The following MYO18B variants were observed in gnomAD, a reference collection of about 807,000 sequenced individuals.
The protein encoded by MYO18B is unconventional myosin-XVIIIb.
A neutral mutation model predicts 273.0 loss-of-function variants in MYO18B; 204 were observed. That is an observed-to-expected ratio of 0.75 (90% CI 0.67 to 0.84). The LOEUF is 0.84. Ranked by LOEUF, MYO18B falls within the 40% of genes least tolerant of loss-of-function variation. The probability of loss-of-function intolerance (pLI) is 0.00; values close to 1 mark genes in which losing one functional copy is unlikely to be tolerated. For missense variants in MYO18B, 3,212 were observed against 3,287.6 expected, an observed-to-expected ratio of 0.98 and a Z score of 0.56; for synonymous variants, 1,330 against 1,305.7, an observed-to-expected ratio of 1.02 and a Z score of -0.40.
chr22:25,975,108 G>C (rs183329899), intron 39 of MYO18B, among the ~76,000 whole-genome samples: 1 of 152,160 alleles, frequency 6.6e-6, no homozygotes, highest in African/African-American at 2.4e-5. Flanking sequence ...TGATGGACCT[G>C]GCAAGAGTCA....
intron 7 of MYO18B, among the ~76,000 whole-genome samples, chr22:25,776,310 T>C (rs1330115891): frequency 6.6e-6 from 1 of 152,328 alleles, no homozygotes; most frequent in Middle Eastern, 3.4e-3. Flanking sequence ...ACTAAAACGT[T>C]TTCTGGGACA....
chr22:25,777,853 C>A, intron 8 of MYO18B, 72 bp downstream of exon 8: 1 of 1,405,270 alleles, frequency 7.1e-7, no homozygotes, highest in Non-Finnish European at 9.6e-7. Flanking sequence ...TGCTGAGCTG[C>A]TTTCTTATAT....
downstream of MYO18B, among the ~76,000 whole-genome samples, chr22:26,032,341 T>C (rs1393571418): frequency 2.6e-5 from 4 of 152,112 alleles, no homozygotes; most frequent in African/African-American, 9.7e-5. Context: ...GGGGTGGTTT[T>C]TCCTAAGGCC....
intron 21 of MYO18B, among the ~76,000 whole-genome samples, chr22:25,856,017 G>A (rs1210140603): frequency 6.6e-6 from 1 of 152,100 alleles, no homozygotes; most frequent in Non-Finnish European, 1.5e-5. Context: ...GTAGGCCCTG[G>A]TGAGACCCTG....
chr22:26,049,914 T>C, the MYO18B span, among the ~76,000 whole-genome samples: 5 of 152,234 alleles, frequency 3.3e-5, no homozygotes, highest in African/African-American at 1.2e-4. Flanking sequence ...AATAGCATAC[T>C]TTCTTTTGCA....
chr22:25,979,950 A>G (rs980262089), intron 39 of MYO18B, among the ~76,000 whole-genome samples: 4 of 152,116 alleles, frequency 2.6e-5, no homozygotes, highest in Admixed American at 1.3e-4. Flanking sequence ...TCACCATTGA[A>G]GCTCCAGTCC....
At chr22:25,750,516 C>A (rs2085902273) in intron 1 of MYO18B, among the ~76,000 whole-genome samples, 1 of 152,170 alleles carries the variant, frequency 6.6e-6, no homozygotes, top group Non-Finnish European at 1.5e-5. Context: ...AGGTGTCAGG[C>A]AGTCAGATCA....
intron 39 of MYO18B, among the ~76,000 whole-genome samples, chr22:25,959,507 C>T (rs2092894342): frequency 6.6e-6 from 1 of 152,094 alleles, no homozygotes; most frequent in African/African-American, 2.4e-5. Context: ...GACTGCTGGC[C>T]TCAAGCCATC....
At chr22:25,850,858 G>A (rs2090405501) in intron 20 of MYO18B, among the ~76,000 whole-genome samples, 1 of 152,038 alleles carries the variant, frequency 6.6e-6, no homozygotes, top group Non-Finnish European at 1.5e-5. Context: ...AAGTTATTTT[G>A]GAAAACCCTA....
intron 7 of MYO18B, among the ~76,000 whole-genome samples, chr22:25,773,218 G>A (rs182548915): frequency 6.6e-6 from 1 of 152,286 alleles, no homozygotes; most frequent in African/African-American, 2.4e-5. Context: ...ATTGATTGAG[G>A]GTCTCCTACC....
In MYO18B at chr22:25,798,038, G is replaced by A. The variant is rs772893371; in HGVS notation, c.2462G>A (p.Arg821Gln). The A allele has an allele frequency of 2.0e-5, 33 of 1,612,880 alleles. No homozygotes were observed. The highest frequency in any genetic ancestry group is 5.5e-5 in the South Asian group (5 of 91,066). ...EMLGISESEQ[R>Q]AVWRVLAAIY... ...CTCGGCATCTCAGAGAGCGAGCAGC[G>A]GGCTGTTTGGCGGGTCCTGGCAGCC... The change falls in exon 12 of 44, where the codon CGG becomes CAG. Residue 821 changes from arginine to glutamine, a missense_variant. Arg to Gln is a conservative substitution (Grantham distance 43). Transcript: ENST00000335473.
At chr22:25,975,757 G>C (rs2093082448) in intron 39 of MYO18B, among the ~76,000 whole-genome samples, 1 of 152,170 alleles carries the variant, frequency 6.6e-6, no homozygotes, top group Non-Finnish European at 1.5e-5. Flanking sequence ...GCAGATCGGG[G>C]GCAGGGCCTG....
At chr22:26,010,336 G>C (rs1275312158) in intron 42 of MYO18B, among the ~76,000 whole-genome samples, 1 of 152,140 alleles carries the variant, frequency 6.6e-6, no homozygotes, top group Admixed American at 6.5e-5. Flanking sequence ...GCTCCTCATT[G>C]CCTACAGCAG....
chr22:25,902,095 C>G (rs5761304), intron 29 of MYO18B, among the ~76,000 whole-genome samples: 69,174 of 151,958 alleles, frequency 0.46, 16,054 homozygotes, highest in Middle Eastern at 0.53. Context: ...TCCTCGGCCT[C>G]TCAAAGTGTT....
At chr22:25,849,231 G>A (rs2090349057) in intron 20 of MYO18B, among the ~76,000 whole-genome samples, 1 of 152,198 alleles carries the variant, frequency 6.6e-6, no homozygotes, top group Admixed American at 6.5e-5. Context: ...CTGTGTTCAC[G>A]TGACCTCACG....
chr22:25,993,459 C>G (rs1358458386), intron 40 of MYO18B, among the ~76,000 whole-genome samples: 2 of 152,322 alleles, frequency 1.3e-5, no homozygotes, highest in African/African-American at 4.8e-5. Context: ...CCTGAGCAGG[C>G]CACATTAAAA....
At chr22:26,020,741 G>A (rs1171437756) in intron 42 of MYO18B, among the ~76,000 whole-genome samples, 3 of 152,062 alleles carry the variant, frequency 2.0e-5, no homozygotes, top group Admixed American at 2.0e-4. Flanking sequence ...AAGACCCTGG[G>A]ACCTAGGGCA....
intron 12 of MYO18B, among the ~76,000 whole-genome samples, chr22:25,814,198 G>C (rs2088891925): frequency 6.7e-6 from 1 of 149,842 alleles, no homozygotes; most frequent in Non-Finnish European, 1.5e-5. Context: ...GAGTGGCTCT[G>C]TGAAAGTTCC....
intron 25 of MYO18B, among the ~76,000 whole-genome samples, chr22:25,884,190 G>A (rs887778399): frequency 1.3e-5 from 2 of 152,192 alleles, no homozygotes; most frequent in Non-Finnish European, 2.9e-5. Flanking sequence ...AGGTCAGAAA[G>A]TCTATTTGCA....
Sources: gnomAD v4.1 joint callset for allele counts (sites outside exome capture counted in the v4.1 genomes callset) on GRCh38, gnomAD v4.1.1 for gene constraint, MANE v1.5 for transcripts, NCBI Gene and HGNC (gene_info 2026-07-23, HGNC 2026-07-21) for gene names.